TANC2: variants seen among roughly 807,000 people sequenced by gnomAD.
The protein encoded by TANC2 is tetratricopeptide repeat, ankyrin repeat and coiled-coil containing 2.
Under a neutral mutation model 210.5 loss-of-function variants are expected in TANC2, and 26 were observed. The observed-to-expected ratio is 0.12, with a 90% CI of 0.09 to 0.17. TANC2 has a LOEUF of 0.17. Among genes scored for constraint, TANC2 ranks in the 10% least tolerant of loss-of-function variants. The pLI, the probability that TANC2 is intolerant of heterozygous loss-of-function variation, is 1.00. For synonymous variants in TANC2, 931 were observed against 967.1 expected (o/e 0.96, Z 0.69); for missense variants, 2,129 against 2,608.9 (o/e 0.82, Z 4.01).
intron 5 of TANC2, among the ~76,000 whole-genome samples, chr17:63,171,215 T>C (rs1385739924): frequency 6.6e-6 from 1 of 151,146 alleles, no homozygotes; most frequent in African/African-American, 2.4e-5. Context: ...CCCGAGTAGC[T>C]GGGATTACAG....
intron 7 of TANC2, among the ~76,000 whole-genome samples, chr17:63,218,937 G>A (rs1456900770): frequency 6.6e-6 from 1 of 152,028 alleles, no homozygotes; most frequent in Non-Finnish European, 1.5e-5. Context: ...GTCTCAAGGT[G>A]TAGGATCAAT....
chr17:63,203,188 G>A (rs996873165), intron 7 of TANC2, among the ~76,000 whole-genome samples: 17 of 152,042 alleles, frequency 1.1e-4, no homozygotes, highest in Admixed American at 9.8e-4. Flanking sequence ...CCCTTTTCTC[G>A]TTCTTTGTTG....
At chr17:62,987,122 A>C (rs1247858203) in intron 1 of TANC2, among the ~76,000 whole-genome samples, 1 of 152,156 alleles carries the variant, frequency 6.6e-6, no homozygotes, top group African/African-American at 2.4e-5. Context: ...GGGCAGCTCT[A>C]GGGCAGGTTC....
intron 1 of TANC2, among the ~76,000 whole-genome samples, chr17:62,977,655 A>C (rs1337663001): frequency 2.0e-5 from 3 of 152,042 alleles, no homozygotes; most frequent in Non-Finnish European, 2.9e-5. Flanking sequence ...TAATTACAAA[A>C]GTAATATTCT....
chr17:62,985,645 T>C (rs954558198), intron 1 of TANC2, among the ~76,000 whole-genome samples: 3 of 152,148 alleles, frequency 2.0e-5, no homozygotes. Context: ...GTCTAATCTA[T>C]TGTTGAAGCT....
intron 2 of TANC2, among the ~76,000 whole-genome samples, chr17:63,038,111 T>C (rs995675875): frequency 2.6e-5 from 4 of 152,136 alleles, no homozygotes; most frequent in African/African-American, 9.7e-5. Flanking sequence ...GAGCGTTGGC[T>C]GGGGGGAAAC....
intron 3 of TANC2, among the ~76,000 whole-genome samples, chr17:63,096,532 C>T (rs2037393523): frequency 6.6e-6 from 1 of 152,174 alleles, no homozygotes; most frequent in Admixed American, 6.5e-5. Context: ...GCTTCTTCCA[C>T]TTAGTACGTT....
intron 7 of TANC2, among the ~76,000 whole-genome samples, chr17:63,227,178 A>G (rs1824879674): frequency 6.6e-6 from 1 of 152,156 alleles, no homozygotes. Context: ...GAATTGCCAC[A>G]CTGTCTTCCA....
At chr17:63,044,353 G>T (rs1349471448) in intron 2 of TANC2, among the ~76,000 whole-genome samples, 7 of 152,218 alleles carry the variant, frequency 4.6e-5, no homozygotes, top group Non-Finnish European at 7.4e-5. Context: ...AATATAATAG[G>T]TGGTATCATT....
intron 4 of TANC2, chr17:63,120,921 A>C (rs1409321792): frequency 6.6e-6 from 1 of 151,536 alleles, no homozygotes; most frequent in Non-Finnish European, 1.5e-5. Flanking sequence ...GGGGGAGGGA[A>C]TGTGCTAGTG....
In TANC2 at chr17:63,090,005, T is replaced by TA. The variant is rs547376030; in HGVS notation, c.140-9169dup. On this transcript the variant is annotated intron_variant, in intron 3 of 27. Coordinates refer to ENST00000689528, the Ensembl canonical transcript of TANC2. ...GTACATACCATGAATTTTTAAAACA[T>TA]ATATAGTCATGTTAAATACCACTAA... Among the ~76,000 whole-genome samples the TA allele has an allele frequency of 4.4e-4, 67 of 152,268 alleles. 2 individuals are homozygous for TA. The South Asian group carries it at 0.013, about 30-fold the overall frequency.
intron 5 of TANC2, among the ~76,000 whole-genome samples, chr17:63,164,177 C>A (rs1386710907): frequency 7.6e-6 from 1 of 131,874 alleles, no homozygotes; most frequent in Non-Finnish European, 1.5e-5. Flanking sequence ...CTTTGTTGGT[C>A]AGGCTGGAGT....
chr17:63,233,230 G>T (rs550517851), intron 7 of TANC2, among the ~76,000 whole-genome samples: 1 of 146,034 alleles, frequency 6.8e-6, no homozygotes, highest in East Asian at 1.9e-4. Context: ...TGGGAACTCG[G>T]TAGTCTTAGG....
At chr17:63,156,428 A>G (rs993130407) in intron 5 of TANC2, among the ~76,000 whole-genome samples, 8 of 152,046 alleles carry the variant, frequency 5.3e-5, no homozygotes, top group African/African-American at 1.9e-4. Context: ...TGGAAAAAAA[A>G]AAAGCACCTG....
chr17:63,421,652 C>T lies in TANC2; in HGVS notation c.5922C>T (p.Ser1974=), dbSNP rs776235765. ...CAGGCAACCTGCCTCAGCCTGAGTC[C>T]TTCAGTCCACCATCATCCATCAGCA... The change falls in exon 28 of 28, where the codon TCC becomes TCT. Residue 1974 remains serine (S), a synonymous_variant. Coordinates refer to ENST00000689528, the Ensembl canonical transcript of TANC2. The surrounding 1 kb of genome is among the most constrained non-coding windows in gnomAD (Gnocchi z 6.9). The T allele has an allele frequency of 1.2e-6, 2 of 1,614,048 alleles. No homozygotes were observed. The highest frequency in any genetic ancestry group is 1.3e-5 in the African/African-American group (1 of 75,056).
chr17:63,264,547 T>A (rs1030635404), intron 8 of TANC2, among the ~76,000 whole-genome samples: 2 of 152,190 alleles, frequency 1.3e-5, no homozygotes, highest in African/African-American at 4.8e-5. Flanking sequence ...GTCTTGAATG[T>A]TGAGAACTTG....
intron 7 of TANC2, among the ~76,000 whole-genome samples, chr17:63,223,582 T>G (rs1204569967): frequency 1.1e-5 from 1 of 94,290 alleles, no homozygotes; most frequent in Non-Finnish European, 2.0e-5. Context: ...ATTTTATATA[T>G]AGTGTATATA....
chr17:63,222,659 A>AT (rs1567828737), intron 7 of TANC2, among the ~76,000 whole-genome samples: 1 of 152,074 alleles, frequency 6.6e-6, no homozygotes, highest in Non-Finnish European at 1.5e-5. Context: ...TCAAAACTGC[A>AT]TTTTTTTACT....
chr17:63,081,168 G>T (rs1317155740), intron 3 of TANC2, among the ~76,000 whole-genome samples: 21 of 151,990 alleles, frequency 1.4e-4, no homozygotes, highest in Non-Finnish European at 1.5e-5. Context: ...ATTTGTTGTA[G>T]ATTTTTTAAA....
Sources: allele counts gnomAD v4.1 joint callset (sites outside exome capture counted in the v4.1 genomes callset), GRCh38; gene constraint gnomAD v4.1.1; non-coding constraint Gnocchi (gnomAD v3.1); transcripts MANE v1.5; gene names NCBI Gene and HGNC (gene_info 2026-07-23, HGNC 2026-07-21).